The following PLA1A variants were observed in gnomAD, a reference collection of about 807,000 sequenced individuals.
PLA1A encodes the protein phosphatidylserine-specific phospholipase A1alpha.
Under a neutral mutation model 49.4 loss-of-function variants are expected in PLA1A, and 47 were observed. The ratio of observed to expected loss-of-function variants is 0.95; its 90% confidence interval spans 0.75 to 1.21. The LOEUF (loss-of-function observed/expected upper bound fraction) is 1.21, where lower values mean the gene tolerates loss of function less well. Among genes scored for constraint, PLA1A ranks in the 50% most tolerant of loss-of-function variants. PLA1A has a pLI of 0.00. For missense variants in PLA1A, 561 were observed against 563.9 expected (o/e 0.99, Z 0.05); for synonymous variants, 224 against 207.9 (o/e 1.08, Z -0.67).
chr3:119,616,021 T>C lies in PLA1A; in HGVS notation c.674T>C (p.Ile225Thr), dbSNP rs367664586. ...AIHTDTDNLG[I>T]RIPVGHVDYF... Reference sequence around the variant, plus strand: ...TTGTGCCTCCTTTCAGATTTGGGTATTCGGATTCCCGTTGGACATGTGGAC... The same window carrying C: ...TTGTGCCTCCTTTCAGATTTGGGTACTCGGATTCCCGTTGGACATGTGGAC... The change falls in exon 6 of 11, where the codon ATT becomes ACT. Residue 225 changes from isoleucine to threonine, a missense_variant. Ile to Thr is a moderately conservative substitution (Grantham distance 89, BLOSUM62 -1). Coordinates refer to ENST00000273371, the MANE Select transcript of PLA1A (RefSeq NM_015900.4). The C allele has an allele frequency of 9.9e-6, 16 of 1,610,720 alleles. No individual in the cohort carries two copies. In the Middle Eastern group the frequency reaches 9.9e-4, roughly 100 times the overall value.
intron 3 of PLA1A, 139 bp downstream of exon 3, chr3:119,609,086 C>T (rs566332572): frequency 7.0e-5 from 47 of 667,570 alleles, no homozygotes; most frequent in African/African-American, 6.7e-4. Context: ...CAAATCTTGA[C>T]TTTGCCACTC....
At position 119,597,967 on chromosome 3, in the gene PLA1A, G is replaced by A. The variant is rs1217736656; in HGVS notation, c.54G>A (p.Trp18Ter). The change falls in exon 1 of 11, where the codon TGG becomes TGA. Residue 18 changes from tryptophan to a stop codon, truncating the protein, a stop_gained. Coordinates refer to ENST00000273371, the MANE Select transcript of PLA1A (RefSeq NM_015900.4). LOFTEE classifies it high-confidence loss of function. ...TCTGGGTGGGGGGCCTCATTTTGTGGCTCAGCGTTGGAAGTTCAGGTAAGC... is the reference window on the plus strand; with the variant it reads ...TCTGGGTGGGGGGCCTCATTTTGTGACTCAGCGTTGGAAGTTCAGGTAAGC... ...SCFWVGGLIL[W>*]LSVGSSGDAP... 1.9e-6 allele frequency: 3 copies of A among 1,608,532 alleles called. No homozygotes were observed. Among genetic ancestry groups the A allele is most frequent in the Admixed American group, 1.7e-5 (1 of 59,642 alleles).
intron 8 of PLA1A, among the ~76,000 whole-genome samples, chr3:119,622,794 A>T (rs2082962950): frequency 6.6e-6 from 1 of 151,636 alleles, no homozygotes. Flanking sequence ...AAAAAAGGAC[A>T]GTGTGTTAGG....
chr3:119,600,701 C>T (rs1321529611), intron 1 of PLA1A, among the ~76,000 whole-genome samples: 1 of 152,232 alleles, frequency 6.6e-6, no homozygotes, highest in Admixed American at 6.5e-5. Context: ...AAATGACACT[C>T]ATCCTGAAAC....
At chr3:119,628,628 G>A (rs896993681) in intron 9 of PLA1A, 73 bp from the exon 10 acceptor site, 27 of 1,421,342 alleles carry the variant, frequency 1.9e-5, no homozygotes, top group East Asian at 1.1e-4. Flanking sequence ...AGCAGAGCCC[G>A]ATCGGAGCCA....
intron 9 of PLA1A, among the ~76,000 whole-genome samples, chr3:119,625,808 TG>T (rs1461323244): frequency 6.6e-6 from 1 of 152,026 alleles, no homozygotes; most frequent in Admixed American, 6.6e-5. Flanking sequence ...GACTTGGGCT[TG>T]GGGGCTGGTG....
intron 1 of PLA1A, 107 bp from the exon 2 acceptor site, chr3:119,606,667 T>A (rs1577138762): frequency 2.7e-6 from 2 of 748,066 alleles, no homozygotes; most frequent in African/African-American, 1.7e-5. Flanking sequence ...ATAAACCCCA[T>A]GCCTGCAGGC....
In PLA1A at chr3:119,618,055, T is replaced by G. The variant is rs1272275486; in HGVS notation, c.791T>G (p.Val264Gly). 6.2e-7 allele frequency: 1 copy of G among 1,614,042 alleles called. No individual in the cohort carries two copies. The highest frequency in any genetic ancestry group is 1.7e-5 in the Admixed American group (1 of 60,030). ...SYLICDHMRA[V>G]HLYISALENS... ...CTGATCTGTGATCACATGAGGGCTG[T>G]GCACCTCTACATCAGCGCCCTGGAG... is the stretch of plus-strand genomic sequence containing the variant. Residue 264 changes from valine to glycine, a missense_variant, in exon 7 of 11, where the codon GTG becomes GGG. Transcript: ENST00000273371.
Position 119,628,801 on chromosome 3 carries a change from T to C in PLA1A, c.1222T>C (p.Trp408Arg). ...CAAGTTTCAGTCTTCCAACCGAGTT[T>C]GGAAAAAAGACCGGACTACCATTAT... ...KFKFQSSNRV[W>R]KKDRTTIIGK... Residue 408 changes from tryptophan (W) to arginine (R), a missense_variant, in exon 10 of 11, where the codon TGG becomes CGG. Physicochemically the swap from Trp to Arg is moderately radical, Grantham distance 101 (BLOSUM62 -3). Coordinates refer to ENST00000273371, the MANE Select transcript of PLA1A (RefSeq NM_015900.4). 6.2e-7 allele frequency: 1 copy of C among 1,614,130 alleles called. No homozygotes were observed.
intron 1 of PLA1A, among the ~76,000 whole-genome samples, chr3:119,602,064 T>A (rs1337661322): frequency 6.6e-6 from 1 of 152,180 alleles, no homozygotes; most frequent in East Asian, 1.9e-4. Context: ...TGGATGGATT[T>A]AGATTTGCTG....
At chr3:119,610,820 G>A (rs1347309380) in intron 4 of PLA1A, among the ~76,000 whole-genome samples, 1 of 152,134 alleles carries the variant, frequency 6.6e-6, no homozygotes, top group Non-Finnish European at 1.5e-5. Context: ...GTTTAATTAA[G>A]TCTCACTTGT....
intron 1 of PLA1A, chr3:119,600,323 T>C (rs2107772928): frequency 1.4e-6 from 1 of 699,332 alleles, no homozygotes; most frequent in East Asian, 2.7e-5. Flanking sequence ...TTGAGCTCCT[T>C]GATCAACCTG....
intron 7 of PLA1A, 64 bp from the exon 8 acceptor site, chr3:119,619,499 G>T (rs2082898521): frequency 1.9e-6 from 2 of 1,028,742 alleles, no homozygotes; most frequent in Non-Finnish European, 3.1e-6. Context: ...ACACGTGGCT[G>T]GGTGCTGTGG....
chr3:119,623,601 AC>A (rs1178459974), intron 8 of PLA1A, among the ~76,000 whole-genome samples: 2 of 152,132 alleles, frequency 1.3e-5, no homozygotes, highest in Non-Finnish European at 2.9e-5. Flanking sequence ...CACATAGGTA[AC>A]CAGCGGCTGC....
At chr3:119,627,575 C>T (rs1245825480) in intron 9 of PLA1A, among the ~76,000 whole-genome samples, 1 of 152,200 alleles carries the variant, frequency 6.6e-6, no homozygotes, top group Non-Finnish European at 1.5e-5. Context: ...CACCACTCTG[C>T]GAAGGCCAGA....
At chr3:119,609,246 C>T (rs992822431) in intron 3 of PLA1A, among the ~76,000 whole-genome samples, 2 of 152,156 alleles carry the variant, frequency 1.3e-5, no homozygotes, top group African/African-American at 4.8e-5. Context: ...TACTCACATA[C>T]TTTGGGCACC....
chr3:119,609,784 G>A (rs2082740419), intron 4 of PLA1A, among the ~76,000 whole-genome samples: 1 of 152,178 alleles, frequency 6.6e-6, no homozygotes, highest in African/African-American at 2.4e-5. Context: ...CAATGTGAGA[G>A]GCCATGTATT....
intron 8 of PLA1A, among the ~76,000 whole-genome samples, chr3:119,619,899 C>G (rs1196143899): frequency 6.6e-6 from 1 of 152,216 alleles, no homozygotes. Context: ...AATTTACCCT[C>G]TAGTGGGTCT....
At chr3:119,617,739 T>C (rs1237128267) in intron 6 of PLA1A, among the ~76,000 whole-genome samples, 1 of 108,130 alleles carries the variant, frequency 9.2e-6, no homozygotes, top group Non-Finnish European at 1.9e-5. Context: ...TGAGATTCCG[T>C]CTCAAAAAAA....
Sources: allele counts gnomAD v4.1 joint callset (sites outside exome capture counted in the v4.1 genomes callset), GRCh38; gene constraint gnomAD v4.1.1; transcripts MANE v1.5; gene names NCBI Gene and HGNC (gene_info 2026-07-23, HGNC 2026-07-21).